RAD23B: variants seen among roughly 807,000 people sequenced by gnomAD.
RAD23B encodes the protein RAD23 nucleotide excision repair protein B.
A neutral mutation model predicts 49.1 loss-of-function variants in RAD23B; 5 were observed. That is an observed-to-expected ratio of 0.10 (90% CI 0.05 to 0.21). The LOEUF (loss-of-function observed/expected upper bound fraction) is 0.21. RAD23B is among the 10% of genes least tolerant of loss of function. The pLI, the probability that RAD23B is intolerant of heterozygous loss-of-function variation, is 1.00. For missense variants in RAD23B, 356 were observed against 486.7 expected, an observed-to-expected ratio of 0.73 and a Z score of 2.53; for synonymous variants, 184 against 165.4, an observed-to-expected ratio of 1.11 and a Z score of -0.86.
At position 107,316,294 on chromosome 9, in the gene RAD23B, G is replaced by GCC. The variant is rs370855152; in HGVS notation, c.554-2457_554-2456dup. The stretch of plus-strand genomic sequence containing the variant: ...CCAAGTGCTGGGATTACAGGCGTGA[G>GCC]CCACCATACCTAGTCTTTACCAAAT... On this transcript the variant is annotated intron_variant, in intron 5 of 9. Transcript: ENST00000358015. Among the ~76,000 whole-genome samples, 652 of 152,322 alleles carry GCC rather than the reference G, an allele frequency of 4.3e-3. 8 individuals are homozygous for GCC. Among genetic ancestry groups the GCC allele is most frequent in the African/African-American group, 0.015 (612 of 41,564 alleles).
At chr9:107,325,313 C>CAAAAAAAAAAAAAAAAAAAA (rs34042765) in intron 9 of RAD23B, among the ~76,000 whole-genome samples, 3 of 61,376 alleles carry the variant, frequency 4.9e-5, no homozygotes, top group African/African-American at 2.0e-4. Flanking sequence ...GACTCTGTCT[C>CAAAAAAAAAAAAAAAAAAAA]AAAAAAAAAA....
intron 3 of RAD23B, 134 bp downstream of exon 3, chr9:107,302,248 A>G: frequency 7.4e-6 from 9 of 1,221,912 alleles, no homozygotes; most frequent in Non-Finnish European, 9.6e-6. Flanking sequence ...AAAGGTTTTT[A>G]AGAATTTACC....
At chr9:107,299,077 G>C (rs1312880629) in intron 1 of RAD23B, among the ~76,000 whole-genome samples, 1 of 152,168 alleles carries the variant, frequency 6.6e-6, no homozygotes, top group Non-Finnish European at 1.5e-5. Context: ...CTATAAAATT[G>C]AGTGGGTGAC....
Position 107,283,285 on chromosome 9 carries a change from CGAT to C in RAD23B, c.-340_-338del. ...GGAGGGGGCACGTCTCGGCGAGTCA[CGAT>C]GATGGCGGCCACCATCCTGTGGTGA... On this transcript the variant is annotated 5_prime_UTR_variant, in exon 1 of 10. An upstream start codon of the reference 5' UTR is lost. Coordinates refer to ENST00000358015, the MANE Select transcript of RAD23B (RefSeq NM_002874.5). 2.5e-6 allele frequency: 1 copy of C among 403,228 alleles called. No homozygotes were observed. The highest frequency in any genetic ancestry group is 4.4e-6 in the Non-Finnish European group (1 of 229,478). 25.0% of individuals were successfully genotyped at this position (403,228 alleles called of 1,614,324 possible).
intron 1 of RAD23B, among the ~76,000 whole-genome samples, chr9:107,296,054 T>C (rs769989883): frequency 5.9e-5 from 9 of 152,210 alleles, no homozygotes; most frequent in Non-Finnish European, 8.8e-5. Context: ...TGGTCACTTA[T>C]AATTTTAAAC....
At chr9:107,306,051 C>CGG (rs1826759024) in intron 3 of RAD23B, among the ~76,000 whole-genome samples, 2 of 49,792 alleles carry the variant, frequency 4.0e-5, no homozygotes, top group Non-Finnish European at 7.4e-5. Context: ...CGGTTTATAT[C>CGG]TATATATATA....
intron 1 of RAD23B, among the ~76,000 whole-genome samples, chr9:107,299,432 G>C (rs1212963080): frequency 6.6e-6 from 1 of 152,178 alleles, no homozygotes; most frequent in East Asian, 1.9e-4. Context: ...TGTATAATGA[G>C]CCTAATTGTC....
intron 1 of RAD23B, among the ~76,000 whole-genome samples, chr9:107,298,008 G>A (rs757944481): frequency 1.3e-5 from 2 of 152,118 alleles, no homozygotes; most frequent in Non-Finnish European, 2.9e-5. Context: ...AAGCCACTAT[G>A]TATTGTTCTG....
At position 107,283,596 on chromosome 9, in the gene RAD23B, C is replaced by T. The variant is rs1311070139; in HGVS notation, c.-34C>T. ...ACCCCGCCCAGCGGCCAGCACCCGG[C>T]GCAGGCCCGGCAGCCGAGCTGCGCG... On this transcript the variant is annotated 5_prime_UTR_variant, in exon 1 of 10. Transcript: ENST00000358015. 2.7e-6 allele frequency: 4 copies of T among 1,462,552 alleles called. No homozygotes were observed. Among genetic ancestry groups the T allele is most frequent in the Non-Finnish European group, 3.6e-6 (4 of 1,102,024 alleles). 90.6% of individuals were successfully genotyped at this position (1,462,552 alleles called of 1,614,324 possible).
chr9:107,324,024 A>G lies in RAD23B; in HGVS notation c.945+7A>G. The G allele has an allele frequency of 6.2e-7, 1 of 1,612,866 alleles. No homozygotes were observed. Among genetic ancestry groups the G allele is most frequent in the Non-Finnish European group, 8.5e-7 (1 of 1,179,046 alleles). Reference sequence around the variant, plus strand: ...GAATCCTCAATTACTTCAGGTGACTAATCAGTGTCAGTTTCACAAGTGATT... The same window carrying G: ...GAATCCTCAATTACTTCAGGTGACTGATCAGTGTCAGTTTCACAAGTGATT... On this transcript the variant is annotated splice_region_variant and intron_variant, in intron 8 of 9. Coordinates refer to ENST00000358015, the MANE Select transcript of RAD23B (RefSeq NM_002874.5).
chr9:107,288,101 A>G (rs1395854626), intron 1 of RAD23B, among the ~76,000 whole-genome samples: 2 of 152,168 alleles, frequency 1.3e-5, no homozygotes, highest in African/African-American at 4.8e-5. Context: ...ACAGGAAGAA[A>G]CTGAGAAATC....
At chr9:107,298,754 T>A (rs1331170693) in intron 1 of RAD23B, among the ~76,000 whole-genome samples, 1 of 151,832 alleles carries the variant, frequency 6.6e-6, no homozygotes, top group East Asian at 1.9e-4. Flanking sequence ...TTGCAAAAAA[T>A]AACTATCTGC....
At chr9:107,317,164 T>C (rs1005905523) in intron 5 of RAD23B, among the ~76,000 whole-genome samples, 37 of 152,168 alleles carry the variant, frequency 2.4e-4, no homozygotes, top group African/African-American at 8.2e-4. Context: ...ATTATAGATA[T>C]GGAGACAAGA....
At chr9:107,296,890 C>G (rs996890709) in intron 1 of RAD23B, among the ~76,000 whole-genome samples, 1 of 135,096 alleles carries the variant, frequency 7.4e-6, no homozygotes, top group Non-Finnish European at 1.5e-5. Context: ...CAGTATTGCT[C>G]TGTCGCCAGG....
At chr9:107,316,167 G>A (rs962803615) in intron 5 of RAD23B, among the ~76,000 whole-genome samples, 18 of 151,966 alleles carry the variant, frequency 1.2e-4, no homozygotes, top group Non-Finnish European at 2.6e-4. Flanking sequence ...GTGCCACCAT[G>A]CCCAGCTAAT....
At chr9:107,312,567 C>T (rs1017193568) in intron 5 of RAD23B, among the ~76,000 whole-genome samples, 3 of 148,970 alleles carry the variant, frequency 2.0e-5, no homozygotes, top group South Asian at 2.1e-4. Context: ...AGTGGCAAAA[C>T]GGCAGTTTAA....
chr9:107,305,707 G>A (rs754539450), intron 3 of RAD23B, among the ~76,000 whole-genome samples: 3 of 151,894 alleles, frequency 2.0e-5, no homozygotes, highest in Non-Finnish European at 4.4e-5. Flanking sequence ...TTTGTACTTG[G>A]ATCTGTTGAT....
intron 5 of RAD23B, among the ~76,000 whole-genome samples, chr9:107,313,888 TC>T (rs1826939097): frequency 6.9e-6 from 1 of 145,714 alleles, no homozygotes; most frequent in Admixed American, 6.7e-5. Context: ...CTCTCCTCTG[TC>T]CTCTCTCCTT....
Position 107,311,741 on chromosome 9 carries a change from A to G in RAD23B, c.553+4A>G, listed in dbSNP as rs1335035847. ...GAAGATGCAACGAGTGCACTTGGTA[A>G]GTATCTGCTTTTCCTTATAAATAAC... On this transcript the variant is annotated splice_donor_region_variant and intron_variant, in intron 5 of 9. Transcript: ENST00000358015. 1 of 1,567,440 alleles carries G rather than the reference A, an allele frequency of 6.4e-7. No homozygotes were observed. Among genetic ancestry groups the G allele is most frequent in the Non-Finnish European group, 8.6e-7 (1 of 1,164,014 alleles).
Sources: gnomAD v4.1 joint callset for allele counts (sites outside exome capture counted in the v4.1 genomes callset) on GRCh38, gnomAD v4.1.1 for gene constraint, MANE v1.5 for transcripts, NCBI Gene and HGNC (gene_info 2026-07-23, HGNC 2026-07-21) for gene names.